Variants in RNF212 observed in about 807,000 individuals in gnomAD.
RNF212 encodes ring finger protein 212.
Under a neutral mutation model 34.7 loss-of-function variants are expected in RNF212, and 33 were observed. That is an observed-to-expected ratio of 0.95 (90% CI 0.72 to 1.27). The LOEUF (loss-of-function observed/expected upper bound fraction) is 1.27. Ranked by LOEUF, RNF212 falls within the 50% of genes most tolerant of loss-of-function variation. The probability of loss-of-function intolerance (pLI) is 0.00; values close to 1 mark genes in which losing one functional copy is unlikely to be tolerated. For missense variants in RNF212, 377 were observed against 362.2 expected (o/e 1.04, Z -0.33); for synonymous variants, 140 against 136.1 (o/e 1.03, Z -0.20).
At chr4:1,077,376 A>G (rs1048488025) in intron 8 of RNF212, among the ~76,000 whole-genome samples, 5 of 152,166 alleles carry the variant, frequency 3.3e-5, no homozygotes, top group African/African-American at 1.2e-4. Flanking sequence ...GTGTCAATCA[A>G]TTTAGCCTGC....
intron 8 of RNF212, among the ~76,000 whole-genome samples, chr4:1,074,419 T>C (rs1718945762): frequency 6.6e-6 from 1 of 152,200 alleles, no homozygotes; most frequent in South Asian, 2.1e-4. Context: ...CCAAGACCTC[T>C]GCTACCCACT....
chr4:1,105,680 A>C (rs895234443), intron 2 of RNF212, among the ~76,000 whole-genome samples: 3 of 152,280 alleles, frequency 2.0e-5, no homozygotes, highest in Admixed American at 2.0e-4. Flanking sequence ...AACTGATTTC[A>C]CCGAAGTGCT....
Position 1,113,428 on chromosome 4 carries a change from G to C in RNF212, c.37C>G (p.Pro13Ala), listed in dbSNP as rs755375748. 22 of 1,607,804 alleles carry C rather than the reference G, an allele frequency of 1.4e-5. No homozygotes were observed. The highest frequency in any genetic ancestry group is 8.9e-5 in the South Asian group (8 of 90,272). ...NWVFCNRCFQ[P>A]PHRTSCFSLT... is the part of the protein sequence containing the mutation. ...CTGAAGCACGACGTCCTGTGGGGCG[G>C]CTGGAAGCAGCGATTACAGAACACC... The change falls in exon 1 of 10, where the codon CCG (proline) becomes GCG (alanine). Residue 13 changes from proline (P) to alanine (A), a missense_variant. Coordinates refer to ENST00000433731, the MANE Select transcript of RNF212 (RefSeq NM_001131034.4).
chr4:1,090,126 C>A (rs75811516), intron 4 of RNF212, among the ~76,000 whole-genome samples: 4 of 129,864 alleles, frequency 3.1e-5, no homozygotes, highest in Non-Finnish European at 6.3e-5. Flanking sequence ...GGTGACAGGA[C>A]AGGGATGGGG....
chr4:1,111,812 G>A (rs553961522), intron 1 of RNF212, among the ~76,000 whole-genome samples: 4 of 152,292 alleles, frequency 2.6e-5, no homozygotes, highest in Admixed American at 6.5e-5. Context: ...CATTATTTCT[G>A]CAGCCAAATC....
chr4:1,079,408 TG>T (rs1464722228), intron 8 of RNF212, among the ~76,000 whole-genome samples: 3 of 152,258 alleles, frequency 2.0e-5, no homozygotes, highest in African/African-American at 7.2e-5. Context: ...CATTTGCTTT[TG>T]TTTCTCCAGA....
intron 1 of RNF212, among the ~76,000 whole-genome samples, chr4:1,109,263 C>G (rs748124857): frequency 8.5e-5 from 13 of 152,226 alleles, no homozygotes; most frequent in Admixed American, 5.9e-4. Flanking sequence ...CCACATCGGT[C>G]TCTCAAAGTG....
At chr4:1,092,531 T>C (rs1722349618) in intron 3 of RNF212, among the ~76,000 whole-genome samples, 1 of 152,200 alleles carries the variant, frequency 6.6e-6, no homozygotes, top group African/African-American at 2.4e-5. Context: ...TGACCAATGT[T>C]GGGGCCCAGA....
intron 8 of RNF212, among the ~76,000 whole-genome samples, chr4:1,076,998 G>A (rs185641321): frequency 6.6e-6 from 1 of 152,314 alleles, no homozygotes; most frequent in East Asian, 1.9e-4. Flanking sequence ...GGGACGCTGA[G>A]GTGGGCAGAT....
At position 1,079,669 on chromosome 4, in the gene RNF212, C is replaced by A. The variant is rs1720008728; in HGVS notation, c.484G>T (p.Asp162Tyr). 1 of 1,611,364 alleles carries A rather than the reference C, an allele frequency of 6.2e-7. No homozygotes were observed. Among genetic ancestry groups the A allele is most frequent in the Non-Finnish European group, 8.5e-7 (1 of 1,177,714 alleles). The change falls in exon 8 of 10, where the codon GAT (aspartate) becomes TAT (tyrosine). Residue 162 changes from aspartate to tyrosine, a missense_variant. Transcript: ENST00000433731. ...TTTCTAATCGGAGAAGGAGAGAGATCAACTTCCATCGACTCCAGTCTGTTA... is the reference window on the plus strand; with the variant it reads ...TTTCTAATCGGAGAAGGAGAGAGATAAACTTCCATCGACTCCAGTCTGTTA... ...APDRLESMEV[D>Y]LSPSPIRKSE...
At chr4:1,056,497 C>T in exon 5 of RNF212, 1 of 986,504 alleles carries the variant, frequency 1.0e-6, no homozygotes, top group Non-Finnish European at 1.2e-6. Flanking sequence ...GACTTCAAAA[C>T]TTCACACTGT....
intron 5 of RNF212, 54 bp downstream of exon 5, chr4:1,085,842 G>A: frequency 8.4e-7 from 1 of 1,186,680 alleles, no homozygotes; most frequent in Admixed American, 1.7e-5. Context: ...GACGACCAAT[G>A]CACATGGCAG....
chr4:1,066,270 T>A (rs1718090569), intron 3 of RNF212, among the ~76,000 whole-genome samples: 1 of 152,204 alleles, frequency 6.6e-6, no homozygotes, highest in South Asian at 2.1e-4. Flanking sequence ...ACGATGAGTA[T>A]CTTTTCATGT....
At chr4:1,098,539 G>A (rs1723420394) in intron 2 of RNF212, among the ~76,000 whole-genome samples, 1 of 152,162 alleles carries the variant, frequency 6.6e-6, no homozygotes, top group Non-Finnish European at 1.5e-5. Context: ...CCTGGCTCTG[G>A]CTCGGATGGG....
At chr4:1,105,209 A>T (rs946732345) in intron 2 of RNF212, among the ~76,000 whole-genome samples, 2 of 152,172 alleles carry the variant, frequency 1.3e-5, no homozygotes, top group Non-Finnish European at 2.9e-5. Flanking sequence ...GTGTGTGTGT[A>T]AAAACCGGCC....
rs757452361 is a variant in RNF212, at chr4:1,081,591, T to A, written c.391A>T (p.Ser131Cys). ...SMRSSQQTAF[S>C]TIKSSVSTKP... ...CTTGAAACTGAACTTTTTATTGTGC[T>A]GAAAGCTGTTTGTTGTGATGATCTC... Residue 131 changes from serine (S) to cysteine (C), a missense_variant, in exon 6 of 10, where the codon AGC becomes TGC. Coordinates refer to ENST00000433731, the MANE Select transcript of RNF212 (RefSeq NM_001131034.4). 1 of 1,611,358 alleles carries A rather than the reference T, an allele frequency of 6.2e-7. No homozygotes were observed. The highest frequency in any genetic ancestry group is 1.1e-5 in the South Asian group (1 of 91,034).
At chr4:1,097,063 G>A (rs1336828210) in intron 2 of RNF212, among the ~76,000 whole-genome samples, 1 of 152,186 alleles carries the variant, frequency 6.6e-6, no homozygotes, top group African/African-American at 2.4e-5. Flanking sequence ...AGTGGTGAGG[G>A]CCAGGAGGCA....
At chr4:1,093,947 G>A (rs774325832) in intron 3 of RNF212, 1 of 1,536,248 alleles carries the variant, frequency 6.5e-7, no homozygotes, top group South Asian at 1.2e-5. Flanking sequence ...CGAGCCTCTG[G>A]GCACCTCCTT....
At chr4:1,106,583 G>A (rs942433218) in intron 2 of RNF212, among the ~76,000 whole-genome samples, 5 of 152,196 alleles carry the variant, frequency 3.3e-5, no homozygotes, top group African/African-American at 1.2e-4. Flanking sequence ...AAATGATACA[G>A]AATAGCAGTG....
Sources: gnomAD v4.1 joint callset for allele counts (sites outside exome capture counted in the v4.1 genomes callset) on GRCh38, gnomAD v4.1.1 for gene constraint, MANE v1.5 for transcripts, NCBI Gene and HGNC (gene_info 2026-07-23, HGNC 2026-07-21) for gene names.